The following ANO3 variants were observed in gnomAD, a reference collection of about 807,000 sequenced individuals.
ANO3 encodes the protein anoctamin-3.
ANO3 carries 99 observed loss-of-function variants against 144.8 expected under a neutral mutation model. That is an observed-to-expected ratio of 0.68 (90% CI 0.58 to 0.81). The LOEUF is 0.81. Ranked by LOEUF, ANO3 falls within the 30% of genes least tolerant of loss-of-function variation. The pLI is 0.00. For missense variants in ANO3, 905 were observed against 1,202.2 expected (o/e 0.75, Z 3.66); for synonymous variants, 414 against 392.6 (o/e 1.05, Z -0.64).
chr11:26,510,157 T>TAAAAAAAAA (rs1861609100), intron 5 of ANO3, among the ~76,000 whole-genome samples: 1 of 39,890 alleles, frequency 2.5e-5, no homozygotes, highest in Admixed American at 2.4e-4. Flanking sequence ...AAAAAAAGAG[T>TAAAAAAAAA]AGAAAAGAAA....
At chr11:26,280,126 C>T (rs554050282) in intron 1 of ANO3, among the ~76,000 whole-genome samples, 3 of 152,224 alleles carry the variant, frequency 2.0e-5, no homozygotes, top group East Asian at 1.9e-4. Context: ...ACAATGGCAT[C>T]GGTACAATAT....
chr11:26,246,246 T>C (rs1852790988), intron 1 of ANO3, among the ~76,000 whole-genome samples: 1 of 152,110 alleles, frequency 6.6e-6, no homozygotes, highest in East Asian at 1.9e-4. Context: ...GAAGAAGTAG[T>C]ATTGTTGGGT....
chr11:26,533,412 A>G (rs1171895831), intron 8 of ANO3, among the ~76,000 whole-genome samples: 1 of 152,194 alleles, frequency 6.6e-6, no homozygotes, highest in Non-Finnish European at 1.5e-5. Flanking sequence ...CCAACCTAAT[A>G]ATTATACAAA....
intron 1 of ANO3, 52 bp downstream of exon 1, chr11:26,332,373 A>C: frequency 6.3e-7 from 1 of 1,583,992 alleles, no homozygotes; most frequent in South Asian, 1.1e-5. Flanking sequence ...TCCCCCCTGC[A>C]TGCCCTTGCA....
At chr11:26,610,172 A>C (rs1419825830) in intron 17 of ANO3, among the ~76,000 whole-genome samples, 2 of 152,084 alleles carry the variant, frequency 1.3e-5, no homozygotes, top group African/African-American at 2.4e-5. Context: ...CAGCCTTCCT[A>C]AGTGCTGGGA....
chr11:26,651,065 TC>T (rs199620272), intron 24 of ANO3, among the ~76,000 whole-genome samples: 8 of 152,178 alleles, frequency 5.3e-5, no homozygotes, highest in Admixed American at 2.6e-4. Context: ...CAATTTTTTT[TC>T]TGATAAAAAT....
chr11:26,295,515 CAAAA>C (rs71047842), intron 1 of ANO3, among the ~76,000 whole-genome samples: 3,907 of 65,738 alleles, frequency 0.059, 82 homozygotes, highest in African/African-American at 0.16. Context: ...GACTCTGTCT[CAAAA>C]AAAAAAAAAA....
At chr11:26,541,751 T>C (rs548906359) in intron 10 of ANO3, among the ~76,000 whole-genome samples, 196 bp from the exon 11 acceptor site, 1 of 152,290 alleles carries the variant, frequency 6.6e-6, no homozygotes, top group East Asian at 1.9e-4. Context: ...AAAAGATTTT[T>C]AATAACTATC....
intron 1 of ANO3, among the ~76,000 whole-genome samples, chr11:26,350,404 A>G (rs1855615484): frequency 6.6e-6 from 1 of 152,122 alleles, no homozygotes; most frequent in African/African-American, 2.4e-5. Context: ...CATGATCTAT[A>G]TTTTTGTTTT....
At chr11:26,407,068 G>GTA (rs760132418) in intron 1 of ANO3, among the ~76,000 whole-genome samples, 95 of 96,446 alleles carry the variant, frequency 9.9e-4, no homozygotes, top group Middle Eastern at 7.8e-3. Flanking sequence ...GTGTGTGTGT[G>GTA]TGTGTGTGTA....
At chr11:26,439,089 C>T (rs1474593536) in intron 1 of ANO3, among the ~76,000 whole-genome samples, 1 of 152,152 alleles carries the variant, frequency 6.6e-6, no homozygotes, top group East Asian at 1.9e-4. Context: ...ATGGCATTTT[C>T]AACAACTTGT....
intron 4 of ANO3, among the ~76,000 whole-genome samples, chr11:26,499,444 A>C (rs1861100595): frequency 6.6e-6 from 1 of 151,610 alleles, no homozygotes; most frequent in African/African-American, 2.4e-5. Flanking sequence ...TCTCACTTAA[A>C]TCTTTAATCC....
intron 1 of ANO3, among the ~76,000 whole-genome samples, chr11:26,205,022 G>A (rs117329844): frequency 0.01 from 1,578 of 152,200 alleles, 10 homozygotes; most frequent in South Asian, 0.017. Flanking sequence ...GGAACCAAAC[G>A]AGTCCTTCCT....
Position 26,266,632 on chromosome 11 carries a change from A to G in ANO3, c.155-43013A>G, listed in dbSNP as rs562050688. Among the ~76,000 whole-genome samples, 115 of 151,616 alleles carry G rather than the reference A, an allele frequency of 7.6e-4. 1 individual carries two copies. Among genetic ancestry groups the G allele is most frequent in the African/African-American group, 2.7e-3 (111 of 41,408 alleles). On this transcript the variant is annotated intron_variant, in intron 1 of 27. Coordinates refer to the ANO3 transcript ENST00000672621. The stretch of plus-strand genomic sequence containing the variant: ...GTATTTTTAGTAGAGACAGGAGTTG[A>G]CCATATTGACCAGGCTAGTCTCGAA...
At chr11:26,196,938 T>C (rs979040342) in intron 1 of ANO3, among the ~76,000 whole-genome samples, 3 of 152,150 alleles carry the variant, frequency 2.0e-5, no homozygotes, top group Non-Finnish European at 4.4e-5. Context: ...GAATAAAACA[T>C]AGCCCCTGAT....
In ANO3 at chr11:26,660,818, AAAAT is replaced by A. The variant is rs1853856728; in HGVS notation, c.*376_*379del. On this transcript the variant is annotated 3_prime_UTR_variant, in exon 27 of 27. Coordinates refer to ENST00000256737, the MANE Select transcript of ANO3 (RefSeq NM_031418.4). ...AATGTGCACAAGCCAGGCATGGCTT[AAAAT>A]ATCATGCAGTCTTCACTCACATACT... The A allele has an allele frequency of 2.2e-5, 4 of 181,760 alleles. No individual in the cohort carries two copies. The South Asian group carries it at 6.1e-4, about 28-fold the overall frequency. The allele number at this position is 181,760 out of a possible 1,614,324, so 11.3% of individuals were successfully genotyped here.
rs1853064682 is a variant in ANO3, at chr11:26,639,189, G to A, written c.2089G>A (p.Val697Ile). ...CLIDLCLQMG[V>I]IMFLKQIWNN... is the part of the protein sequence containing the mutation. ...GATAGACCTCTGCCTCCAGATGGGT[G>A]TCATCATGTTTTTGAAGCAAATATG... Residue 697 changes from valine to isoleucine, a missense_variant, in exon 21 of 27, where the codon GTC becomes ATC. Val to Ile is a conservative substitution (Grantham distance 29, BLOSUM62 3). This residue lies in a region of ANO3 where 597 missense variants were observed against 865.1 expected (regional missense o/e 0.69). Coordinates refer to ENST00000256737, the MANE Select transcript of ANO3 (RefSeq NM_031418.4). 7 of 1,613,598 alleles carry A rather than the reference G, an allele frequency of 4.3e-6. No homozygotes were observed. The highest frequency in any genetic ancestry group is 5.1e-6 in the Non-Finnish European group (6 of 1,179,662).
At chr11:26,367,774 A>G (rs1463342670) in intron 1 of ANO3, among the ~76,000 whole-genome samples, 1 of 152,190 alleles carries the variant, frequency 6.6e-6, no homozygotes, top group African/African-American at 2.4e-5. Flanking sequence ...TTTGGCTTCT[A>G]GTGAAGCATC....
chr11:26,591,434 C>A (rs3937884), intron 14 of ANO3, among the ~76,000 whole-genome samples: 1 of 151,904 alleles, frequency 6.6e-6, no homozygotes, highest in Admixed American at 6.6e-5. Context: ...TTTGAAGAAC[C>A]ATTTGTAGTT....
Sources: gnomAD v4.1 joint callset for allele counts (sites outside exome capture counted in the v4.1 genomes callset) on GRCh38, gnomAD v4.1.1 for gene constraint, gnomAD v4.1.1 regional missense constraint, MANE v1.5 for transcripts, NCBI Gene and HGNC (gene_info 2026-07-23, HGNC 2026-07-21) for gene names.